The following HCN1 variants were observed in gnomAD, a reference collection of about 807,000 sequenced individuals.
HCN1 encodes potassium/sodium hyperpolarization-activated cyclic nucleotide-gated channel 1.
Under a neutral mutation model 78.9 loss-of-function variants are expected in HCN1, and 13 were observed. The ratio of observed to expected loss-of-function variants is 0.16; its 90% CI spans 0.11 to 0.26. The LOEUF (loss-of-function observed/expected upper bound fraction) is 0.26. Ranked by LOEUF, HCN1 falls within the 10% of genes least tolerant of loss-of-function variation. The pLI is 1.00. For synonymous variants in HCN1, 552 were observed against 455.5 expected, an observed-to-expected ratio of 1.21 and a Z score of -2.70; for missense variants, 810 against 1,154.3, an observed-to-expected ratio of 0.70 and a Z score of 4.32.
chr5:45,431,548 A>C (rs1374962767), intron 3 of HCN1, among the ~76,000 whole-genome samples: 1 of 152,164 alleles, frequency 6.6e-6, no homozygotes. Context: ...GTTATCTTCC[A>C]GGGTCTTTAC....
Position 45,587,664 on chromosome 5 carries a change from G to A in HCN1, c.849+57521C>T, listed in dbSNP as rs574364956. Among the ~76,000 whole-genome samples the A allele has an allele frequency of 1.1e-3, 164 of 152,090 alleles. 1 individual carries two copies. Among genetic ancestry groups the A allele is most frequent in the African/African-American group, 3.6e-3 (149 of 41,490 alleles). ...GTATACATATGTAACAAACCTGCAC[G>A]TTGTGTACATGTACCCTAGAACTTA... On this transcript the variant is annotated intron_variant, in intron 2 of 7. Coordinates refer to ENST00000303230, the MANE Select transcript of HCN1 (RefSeq NM_021072.4).
chr5:45,502,341 C>G (rs114646992), intron 2 of HCN1, among the ~76,000 whole-genome samples: 4,614 of 151,416 alleles, frequency 0.03, 274 homozygotes, highest in African/African-American at 0.1. Flanking sequence ...AAATAGCCAG[C>G]CGTGGTGGTG....
intron 4 of HCN1, among the ~76,000 whole-genome samples, chr5:45,384,731 G>T (rs1272340429): frequency 6.6e-6 from 1 of 152,156 alleles, no homozygotes. Context: ...TGCAAAGGCT[G>T]ATCTGCAAAG....
At chr5:45,455,569 A>G (rs534828137) in intron 3 of HCN1, among the ~76,000 whole-genome samples, 1 of 151,994 alleles carries the variant, frequency 6.6e-6, no homozygotes, top group Non-Finnish European at 1.5e-5. Context: ...CACTTAATTC[A>G]TAGCTAAGAA....
At chr5:45,682,650 A>C (rs1254102715) in intron 1 of HCN1, among the ~76,000 whole-genome samples, 1 of 152,108 alleles carries the variant, frequency 6.6e-6, no homozygotes, top group Non-Finnish European at 1.5e-5. Context: ...AAACAAAAAA[A>C]AGCACCTCAT....
intron 7 of HCN1, among the ~76,000 whole-genome samples, chr5:45,266,052 G>T (rs1193344779): frequency 1.3e-5 from 2 of 152,078 alleles, no homozygotes; most frequent in African/African-American, 4.8e-5. Flanking sequence ...GGCAAAGAGG[G>T]TTTAGGTGTG....
chr5:45,655,015 C>T (rs564497253), intron 1 of HCN1, among the ~76,000 whole-genome samples: 10 of 152,218 alleles, frequency 6.6e-5, no homozygotes, highest in Admixed American at 5.2e-4. Context: ...TTTATTAATA[C>T]ATAAGATGCC....
chr5:45,450,422 T>G (rs1740893209), intron 3 of HCN1, among the ~76,000 whole-genome samples: 1 of 152,198 alleles, frequency 6.6e-6, no homozygotes, highest in African/African-American at 2.4e-5. Context: ...GCTTTCTGAT[T>G]GAGTTTTATA....
At chr5:45,341,457 A>G (rs556192153) in intron 5 of HCN1, among the ~76,000 whole-genome samples, 5 of 152,222 alleles carry the variant, frequency 3.3e-5, no homozygotes, top group Non-Finnish European at 7.3e-5. Context: ...GAAGTTTTAA[A>G]CAAATGTGAT....
chr5:45,307,157 G>A (rs1048698289), intron 5 of HCN1, among the ~76,000 whole-genome samples: 1 of 151,776 alleles, frequency 6.6e-6, no homozygotes, highest in African/African-American at 2.4e-5. Flanking sequence ...AAAAAGTATT[G>A]GATTAAACCC....
chr5:45,660,327 C>T (rs1490504481), intron 1 of HCN1, among the ~76,000 whole-genome samples: 5 of 108,876 alleles, frequency 4.6e-5, no homozygotes, highest in Admixed American at 3.6e-4. Flanking sequence ...AAGGAACAAC[C>T]GGTACCAGCC....
intron 2 of HCN1, among the ~76,000 whole-genome samples, chr5:45,542,072 GA>G (rs966129419): frequency 2.7e-4 from 41 of 152,000 alleles, no homozygotes; most frequent in Non-Finnish European, 1.2e-4. Flanking sequence ...CCACTCAAGT[GA>G]AAGAGCCAGA....
intron 2 of HCN1, among the ~76,000 whole-genome samples, chr5:45,546,025 C>T (rs1743217689): frequency 6.6e-6 from 1 of 152,022 alleles, no homozygotes; most frequent in Non-Finnish European, 1.5e-5. Flanking sequence ...TAACTCATTA[C>T]AATGTAAATG....
At chr5:45,653,678 T>A (rs116136415) in intron 1 of HCN1, among the ~76,000 whole-genome samples, 10,828 of 152,096 alleles carry the variant, frequency 0.071, 559 homozygotes, top group Middle Eastern at 0.15. Flanking sequence ...ATTACACAAT[T>A]CTAGTTAAAA....
intron 2 of HCN1, among the ~76,000 whole-genome samples, chr5:45,622,236 A>T (rs979998852): frequency 3.9e-5 from 6 of 152,158 alleles, no homozygotes; most frequent in Middle Eastern, 3.4e-3. Context: ...TTTTAAATGG[A>T]TCTAAACTTT....
At chr5:45,453,049 CA>C (rs1448068471) in intron 3 of HCN1, among the ~76,000 whole-genome samples, 1 of 151,914 alleles carries the variant, frequency 6.6e-6, no homozygotes, top group African/African-American at 2.4e-5. Flanking sequence ...ATAGAAAAAG[CA>C]AAGTGTGGAG....
chr5:45,274,854 C>T (rs1316588118), intron 6 of HCN1, among the ~76,000 whole-genome samples: 1 of 152,200 alleles, frequency 6.6e-6, no homozygotes, highest in Non-Finnish European at 1.5e-5. Flanking sequence ...GATCATCTTG[C>T]ATCTTAGTTC....
intron 2 of HCN1, among the ~76,000 whole-genome samples, chr5:45,544,990 T>A (rs1743181843): frequency 6.6e-6 from 1 of 152,080 alleles, no homozygotes; most frequent in South Asian, 2.1e-4. Context: ...GGTCAAATGG[T>A]ATTTCTAGTT....
intron 3 of HCN1, among the ~76,000 whole-genome samples, chr5:45,455,270 C>A (rs1741007189): frequency 5.9e-5 from 9 of 151,992 alleles, no homozygotes; most frequent in Admixed American, 5.9e-4. Flanking sequence ...GCTCTTTGGG[C>A]AGTGCAAACA....
Sources: gnomAD v4.1 joint callset for allele counts (sites outside exome capture counted in the v4.1 genomes callset) on GRCh38, gnomAD v4.1.1 for gene constraint, MANE v1.5 for transcripts, NCBI Gene and HGNC (gene_info 2026-07-23, HGNC 2026-07-21) for gene names.